Variants in PIGF observed in about 807,000 individuals in gnomAD.
The protein encoded by PIGF is phosphatidylinositol glycan anchor biosynthesis class F.
Under a neutral mutation model 26.0 loss-of-function variants are expected in PIGF, and 23 were observed. The ratio of observed to expected loss-of-function variants is 0.88; its 90% confidence interval spans 0.64 to 1.25. The LOEUF (loss-of-function observed/expected upper bound fraction) is 1.25. PIGF is among the 50% of genes most tolerant of loss of function. The pLI, the probability that PIGF is intolerant of heterozygous loss-of-function variation, is 0.00. For missense variants in PIGF, 278 were observed against 249.9 expected, an observed-to-expected ratio of 1.11 and a Z score of -0.76; for synonymous variants, 93 against 92.6, an observed-to-expected ratio of 1.00 and a Z score of -0.03.
chr2:46,615,408 G>C (rs1223298134), intron 1 of PIGF: 1 of 337,120 alleles, frequency 3.0e-6, no homozygotes, highest in African/African-American at 2.1e-5. Context: ...AGCCTAAAAA[G>C]AACAAATTTA....
intron 4 of PIGF, among the ~76,000 whole-genome samples, chr2:46,596,969 T>C (rs954910938): frequency 4.6e-5 from 7 of 152,346 alleles, no homozygotes; most frequent in Admixed American, 4.6e-4. Context: ...AAGAACTGCC[T>C]CTTTTTCCCT....
rs79645628 is a variant in PIGF, at chr2:46,601,992, T to C, written c.438-9409A>G. Among the ~76,000 whole-genome samples, 715 of 151,910 alleles carry C rather than the reference T, an allele frequency of 4.7e-3. 5 individuals carry two copies. Among genetic ancestry groups the C allele is most frequent in the African/African-American group, 0.017 (694 of 41,474 alleles). On this transcript the variant is annotated intron_variant, in intron 4 of 5. Coordinates refer to ENST00000281382, the MANE Select transcript of PIGF (RefSeq NM_002643.4). ...AGTTTCAATGAACTATATGGGTGTA[T>C]AGTAGTCAGATTATTACTTTCCTTT...
chr2:46,615,294 G>A, intron 1 of PIGF, 109 bp from the exon 2 acceptor site: 1 of 593,960 alleles, frequency 1.7e-6, no homozygotes, highest in South Asian at 2.0e-5. Flanking sequence ...TATGAGCAAT[G>A]TATTTGTTTC....
chr2:46,603,590 AG>A (rs1670127329), intron 4 of PIGF, among the ~76,000 whole-genome samples: 1 of 152,148 alleles, frequency 6.6e-6, no homozygotes. Flanking sequence ...AAAGATGCCA[AG>A]AACATACACC....
At chr2:46,591,007 G>A (rs1669707518) in intron 5 of PIGF, among the ~76,000 whole-genome samples, 1 of 152,194 alleles carries the variant, frequency 6.6e-6, no homozygotes, top group Non-Finnish European at 1.5e-5. Context: ...TTTGGCAAAT[G>A]AGGTATGTAT....
chr2:46,615,118 C>T lies in PIGF; in HGVS notation c.47G>A (p.Cys16Tyr). 6.3e-6 allele frequency: 10 copies of T among 1,580,058 alleles called. No homozygotes were observed. The highest frequency in any genetic ancestry group is 8.7e-6 in the Non-Finnish European group (10 of 1,149,076). Reference protein sequence around the residue: ...IKRLLYTHLLCIFSIILSVFI... With the variant: ...IKRLLYTHLLYIFSIILSVFI... The stretch of plus-strand genomic sequence containing the variant: ...GACACTTAGGATAATTGAAAATATG[C>T]ATAAAAGATGGGTATACAGTAGTCT... Residue 16 changes from cysteine to tyrosine, a missense_variant, in exon 2 of 6, where the codon TGC becomes TAC. Coordinates refer to ENST00000281382, the MANE Select transcript of PIGF (RefSeq NM_002643.4).
chr2:46,606,551 T>A (rs1343678554), intron 4 of PIGF, among the ~76,000 whole-genome samples: 1 of 152,216 alleles, frequency 6.6e-6, no homozygotes, highest in East Asian at 1.9e-4. Context: ...AAATGAGTAA[T>A]CTTATATATT....
At chr2:46,585,076 G>A (rs187881005) in intron 5 of PIGF, among the ~76,000 whole-genome samples, 1 of 152,120 alleles carries the variant, frequency 6.6e-6, no homozygotes, top group Admixed American at 6.5e-5. Context: ...GCCACAAATA[G>A]GATTTTTTAA....
intron 5 of PIGF, among the ~76,000 whole-genome samples, chr2:46,586,256 A>T (rs1669568691): frequency 6.6e-6 from 1 of 152,224 alleles, no homozygotes; most frequent in African/African-American, 2.4e-5. Flanking sequence ...AAGTACAGAT[A>T]GTGGTTTTAA....
At chr2:46,596,761 G>C (rs1411090986) in intron 4 of PIGF, among the ~76,000 whole-genome samples, 1 of 151,798 alleles carries the variant, frequency 6.6e-6, no homozygotes, top group Non-Finnish European at 1.5e-5. Flanking sequence ...TCTACAAGCT[G>C]CCTACCTCCA....
intron 3 of PIGF, among the ~76,000 whole-genome samples, chr2:46,612,991 T>C (rs1485163673): frequency 6.6e-6 from 1 of 151,954 alleles, no homozygotes; most frequent in Non-Finnish European, 1.5e-5. Flanking sequence ...TTCTCTCCCA[T>C]CTAGAAAAGA....
chr2:46,588,184 A>T lies in PIGF; in HGVS notation c.546+4291T>A. On this transcript the variant is annotated intron_variant, in intron 5 of 5. Coordinates refer to ENST00000281382, the MANE Select transcript of PIGF (RefSeq NM_002643.4). This position sits in a 1 kb window ranked among gnomAD's most constrained non-coding sequence, Gnocchi z 4.1. ...ACGTTTTCTTTCTACTGTCATCTGAAATGTCAGACAGGATTGAAAATTATG... is the reference window on the plus strand; with the variant it reads ...ACGTTTTCTTTCTACTGTCATCTGATATGTCAGACAGGATTGAAAATTATG... 6.2e-7 allele frequency: 1 copy of T among 1,611,752 alleles called. No individual in the cohort carries two copies. Among genetic ancestry groups the T allele is most frequent in the Non-Finnish European group, 8.5e-7 (1 of 1,178,958 alleles).
chr2:46,597,093 C>T (rs1159455495), intron 4 of PIGF, among the ~76,000 whole-genome samples: 3 of 152,128 alleles, frequency 2.0e-5, no homozygotes, highest in African/African-American at 7.2e-5. Flanking sequence ...TTTTTGGAGC[C>T]ACCTAGGACT....
rs764468225 is a variant in PIGF, at chr2:46,581,435, C to A, written c.*43G>T. ...TTTGACCATACACATTTCTGCCCAG[C>A]CCTTACAGAATCTGCACAAAGAAAT... On this transcript the variant is annotated 3_prime_UTR_variant, in exon 6 of 6. Coordinates refer to ENST00000281382, the MANE Select transcript of PIGF (RefSeq NM_002643.4). 2 of 1,592,422 alleles carry A rather than the reference C, an allele frequency of 1.3e-6. No homozygotes were observed. Among genetic ancestry groups the A allele is most frequent in the Non-Finnish European group, 1.7e-6 (2 of 1,169,408 alleles).
At chr2:46,608,282 G>T (rs746696022) in intron 4 of PIGF, among the ~76,000 whole-genome samples, 1 of 152,230 alleles carries the variant, frequency 6.6e-6, no homozygotes, top group Non-Finnish European at 1.5e-5. Context: ...TCATCCAGAA[G>T]TAATTCCTCA....
chr2:46,615,103 A>T lies in PIGF; in HGVS notation c.62T>A (p.Ile21Asn), dbSNP rs750885181. The T allele has an allele frequency of 1.3e-6, 2 of 1,585,492 alleles. No individual in the cohort carries two copies. The highest frequency in any genetic ancestry group is 1.7e-5 in the Admixed American group (1 of 59,996). The part of the protein sequence containing the change: ...YTHLLCIFSI[I>N]LSVFIPSLFL... ...GAGTGATGGAATGAAGACACTTAGG[A>T]TAATTGAAAATATGCATAAAAGATG... is the stretch of plus-strand genomic sequence containing the variant. The change falls in exon 2 of 6, where the codon ATC becomes AAC. Residue 21 changes from isoleucine to asparagine, a missense_variant. Physicochemically the swap from Ile to Asn is moderately radical, Grantham distance 149. Transcript: ENST00000281382.
At chr2:46,585,960 G>C (rs1202941137) in intron 5 of PIGF, among the ~76,000 whole-genome samples, 2 of 152,096 alleles carry the variant, frequency 1.3e-5, no homozygotes, top group Non-Finnish European at 2.9e-5. Flanking sequence ...ATTTTTAGTA[G>C]AGACAGGGTT....
chr2:46,600,021 A>G (rs1670007166), intron 4 of PIGF, among the ~76,000 whole-genome samples: 1 of 152,262 alleles, frequency 6.6e-6, no homozygotes, highest in Admixed American at 6.5e-5. Flanking sequence ...TGGGTAAGAT[A>G]AATGCTATCT....
intron 4 of PIGF, among the ~76,000 whole-genome samples, chr2:46,594,852 G>A (rs200734784): frequency 7.5e-6 from 1 of 133,784 alleles, no homozygotes; most frequent in East Asian, 2.4e-4. Flanking sequence ...TTTTTTTTTT[G>A]TTTGTTTTTG....
Sources: gnomAD v4.1 joint callset for allele counts (sites outside exome capture counted in the v4.1 genomes callset) on GRCh38, gnomAD v4.1.1 for gene constraint, Gnocchi (gnomAD v3.1) non-coding constraint, MANE v1.5 for transcripts, NCBI Gene and HGNC (gene_info 2026-07-23, HGNC 2026-07-21) for gene names.